NXPE1: variants seen among roughly 807,000 people sequenced by gnomAD.
The protein encoded by NXPE1 is neurexophilin and PC-esterase domain family member 1.
Under a neutral mutation model 33.3 loss-of-function variants are expected in NXPE1, and 31 were observed. That is an observed-to-expected ratio of 0.93 (90% CI 0.70 to 1.26). NXPE1 has a LOEUF of 1.26. Ranked by LOEUF, NXPE1 falls within the 50% of genes most tolerant of loss-of-function variation. The pLI is 0.00. For synonymous variants in NXPE1, 229 were observed against 231.4 expected (o/e 0.99, Z 0.09); for missense variants, 661 against 655.6 (o/e 1.01, Z -0.09).
At chr11:114,554,352 T>C (rs632108) in intron 1 of NXPE1, 486,321 of 983,688 alleles carry the variant, frequency 0.49, 124,875 homozygotes, top group African/African-American at 0.85. Context: ...CTTGTGTAAA[T>C]GAGAGGGGGC....
In NXPE1 at chr11:114,551,414, A is replaced by G. The variant is rs1323386832; in HGVS notation, c.-42T>C. The G allele has an allele frequency of 3.0e-6, 4 of 1,324,416 alleles. No homozygotes were observed. The Admixed American group carries it at 1.1e-4, about 35-fold the overall frequency. The allele number at this position is 1,324,416 out of a possible 1,614,324, so 82.0% of individuals were successfully genotyped here. A position where few individuals can be genotyped will look rare whatever the true frequency, so the allele number is the denominator to read the frequency against. The stretch of plus-strand genomic sequence containing the variant: ...GATACTTCTTGTCGAGGTTTCACTC[A>G]GGATTGTTGCTTCCTCCTTCCAGGA... On this transcript the variant is annotated 5_prime_UTR_variant, in exon 4 of 9. Coordinates refer to ENST00000534921, the Ensembl canonical transcript of NXPE1.
intron 5 of NXPE1, among the ~76,000 whole-genome samples, chr11:114,539,898 G>GA (rs1948021113): frequency 6.6e-6 from 1 of 151,850 alleles, no homozygotes; most frequent in Admixed American, 6.6e-5. Context: ...TCACTATATT[G>GA]AAAAAAACCC....
At chr11:114,530,814 G>A in exon 6 of NXPE1, 6 of 1,614,218 alleles carry the variant, frequency 3.7e-6, no homozygotes, top group Non-Finnish European at 5.1e-6. Context: ...CTCTGTTAGT[G>A]GCTTTAATGG....
chr11:114,528,817 C>A, intron 6 of NXPE1: 1 of 680,198 alleles, frequency 1.5e-6, no homozygotes. Flanking sequence ...CTATAGATGT[C>A]TCTCCAGGTG....
chr11:114,520,046 C>T (rs1384711551), downstream of NXPE1, among the ~76,000 whole-genome samples: 1 of 152,010 alleles, frequency 6.6e-6, no homozygotes, highest in Admixed American at 6.6e-5. Context: ...TCGTGATCCT[C>T]CCGCTTAGGC....
At chr11:114,539,453 T>C (rs1947998383) in intron 5 of NXPE1, among the ~76,000 whole-genome samples, 1 of 151,658 alleles carries the variant, frequency 6.6e-6, no homozygotes. Context: ...GAAAATACAA[T>C]TGAGGAAGCT....
At chr11:114,528,920 T>G (rs1947466847) in intron 6 of NXPE1, 1 of 534,202 alleles carries the variant, frequency 1.9e-6, no homozygotes, top group Non-Finnish European at 3.5e-6. Context: ...TTTGATGAGA[T>G]GTACCATCAG....
intron 7 of NXPE1, among the ~76,000 whole-genome samples, 166 bp downstream of exon 7, chr11:114,527,674 A>C (rs966574729): frequency 6.6e-6 from 1 of 152,192 alleles, no homozygotes; most frequent in African/African-American, 2.4e-5. Flanking sequence ...TCCTATAAAC[A>C]TTTTGAAATC....
intron 1 of NXPE1, among the ~76,000 whole-genome samples, chr11:114,555,579 C>A (rs1209064193): frequency 6.6e-6 from 1 of 152,144 alleles, no homozygotes; most frequent in Non-Finnish European, 1.5e-5. Context: ...AATGTAGACA[C>A]CTGTGTACCC....
intron 5 of NXPE1, among the ~76,000 whole-genome samples, chr11:114,535,575 G>C (rs1044517138): frequency 6.6e-6 from 1 of 152,088 alleles, no homozygotes; most frequent in African/African-American, 2.4e-5. Context: ...TCAAAATAAA[G>C]GGATGGAGGA....
At chr11:114,557,780 T>C (rs1170248025) in intron 1 of NXPE1, among the ~76,000 whole-genome samples, 1 of 151,560 alleles carries the variant, frequency 6.6e-6, no homozygotes, top group Non-Finnish European at 1.5e-5. Context: ...TCAAGAACTA[T>C]CTTTAATATT....
downstream of NXPE1, among the ~76,000 whole-genome samples, chr11:114,520,168 A>G (rs919528907): frequency 6.6e-6 from 1 of 152,198 alleles, no homozygotes; most frequent in East Asian, 1.9e-4. Context: ...TCCATATACA[A>G]TATTAACTAT....
At chr11:114,536,248 C>G (rs904418394) in intron 5 of NXPE1, among the ~76,000 whole-genome samples, 5 of 152,224 alleles carry the variant, frequency 3.3e-5, no homozygotes, top group African/African-American at 1.2e-4. Context: ...AACAAAGACA[C>G]AACATACCAG....
intron 5 of NXPE1, among the ~76,000 whole-genome samples, chr11:114,544,344 G>A (rs150551797): frequency 2.6e-5 from 4 of 152,260 alleles, no homozygotes; most frequent in African/African-American, 9.6e-5. Context: ...CAAAGCTGCC[G>A]TTATCAAGAC....
chr11:114,526,336 A>G (rs1947368526), intron 7 of NXPE1, among the ~76,000 whole-genome samples: 1 of 152,232 alleles, frequency 6.6e-6, no homozygotes, highest in African/African-American at 2.4e-5. Context: ...AAAATGATAC[A>G]TAGACAACTG....
chr11:114,556,043 A>G (rs554817778), intron 1 of NXPE1, among the ~76,000 whole-genome samples: 106 of 152,320 alleles, frequency 7.0e-4, no homozygotes, highest in African/African-American at 2.0e-3. Context: ...TGACAGGGCC[A>G]TATGGTAAGT....
At chr11:114,551,389 G>A (rs1193166278) in exon 4 of NXPE1, 125 of 1,362,998 alleles carry the variant, frequency 9.2e-5, no homozygotes, top group Admixed American at 2.0e-4. Flanking sequence ...CTACCTATTG[G>A]ATACTTCTTG....
chr11:114,547,708 C>T (rs1948329774), intron 5 of NXPE1, among the ~76,000 whole-genome samples: 1 of 152,140 alleles, frequency 6.6e-6, no homozygotes, highest in Non-Finnish European at 1.5e-5. Context: ...GCACTCCAGC[C>T]TGGGTGTCAG....
At chr11:114,547,828 A>G (rs648603) in intron 5 of NXPE1, among the ~76,000 whole-genome samples, 91,070 of 152,052 alleles carry the variant, frequency 0.6, 29,071 homozygotes, top group African/African-American at 0.84. Context: ...TCTGAATAAT[A>G]TATGGACTTC....
Sources: allele counts gnomAD v4.1 joint callset (sites outside exome capture counted in the v4.1 genomes callset), GRCh38; gene constraint gnomAD v4.1.1; transcripts MANE v1.5; gene names NCBI Gene and HGNC (gene_info 2026-07-23, HGNC 2026-07-21).